ST6GALNAC3: variants seen among roughly 807,000 people sequenced by gnomAD.
The protein encoded by ST6GALNAC3 is ST6 N-acetylgalactosaminide alpha-2,6-sialyltransferase 3.
ST6GALNAC3 carries 25 observed loss-of-function variants against 32.7 expected under a neutral mutation model. The ratio of observed to expected loss-of-function variants is 0.76; its 90% CI spans 0.56 to 1.07. The LOEUF is 1.07. ST6GALNAC3 is among the 50% of genes least tolerant of loss of function. The pLI is 0.00. For missense variants in ST6GALNAC3, 355 were observed against 382.4 expected, an observed-to-expected ratio of 0.93 and a Z score of 0.60; for synonymous variants, 129 against 133.1, an observed-to-expected ratio of 0.97 and a Z score of 0.21.
At chr1:76,457,131 A>G (rs371627703) in intron 3 of ST6GALNAC3, among the ~76,000 whole-genome samples, 2 of 151,922 alleles carry the variant, frequency 1.3e-5, no homozygotes, top group African/African-American at 4.8e-5. Flanking sequence ...AAATACCTAG[A>G]AATCCAACTT....
At chr1:76,463,994 C>T (rs752557123) in intron 3 of ST6GALNAC3, among the ~76,000 whole-genome samples, 4 of 152,096 alleles carry the variant, frequency 2.6e-5, no homozygotes, top group Admixed American at 6.6e-5. Context: ...GGTGTCCTCT[C>T]CACACTGTTC....
chr1:76,170,240 G>A (rs1652398553), intron 1 of ST6GALNAC3, among the ~76,000 whole-genome samples: 1 of 152,148 alleles, frequency 6.6e-6, no homozygotes, highest in African/African-American at 2.4e-5. Context: ...TGGCAGCTGT[G>A]GCAGAGTGCT....
chr1:76,531,308 A>C (rs928632701), intron 3 of ST6GALNAC3, among the ~76,000 whole-genome samples: 1 of 152,222 alleles, frequency 6.6e-6, no homozygotes, highest in Non-Finnish European at 1.5e-5. Context: ...TCTAAATGCA[A>C]ATATGGATGA....
In ST6GALNAC3 at chr1:76,074,930, T is replaced by G. The variant is rs763649189; in HGVS notation, c.18+46T>G. On this transcript the variant is annotated intron_variant, in intron 1 of 4. Coordinates refer to ENST00000328299, the MANE Select transcript of ST6GALNAC3 (RefSeq NM_152996.4). ...CTCGGACGCGTGGTTGGCCAGCCCCTTGCTGCTCAGAGGCACGGAGTCAGC... is the reference window on the plus strand; with the variant it reads ...CTCGGACGCGTGGTTGGCCAGCCCCGTGCTGCTCAGAGGCACGGAGTCAGC... 6.4e-6 allele frequency: 10 copies of G among 1,574,106 alleles called. No individual in the cohort carries two copies. The South Asian group carries it at 1.2e-4, about 18-fold the overall frequency.
intron 2 of ST6GALNAC3, among the ~76,000 whole-genome samples, chr1:76,326,297 C>T (rs1647068225): frequency 1.3e-5 from 2 of 152,132 alleles, no homozygotes; most frequent in Non-Finnish European, 2.9e-5. Flanking sequence ...GTTAACATCC[C>T]ATTGATCAAA....
chr1:76,383,134 A>G lies in ST6GALNAC3; in HGVS notation c.214-28874A>G, dbSNP rs533617341. Among the ~76,000 whole-genome samples the G allele has an allele frequency of 4.6e-5, 7 of 152,340 alleles. No homozygotes were observed. In the South Asian group the frequency reaches 1.4e-3, roughly 32 times the overall value. ...TGAAGTGGCATCTTCAAAGTACTGA[A>G]AGGAAGTAACCACCAACTTAATTCT... On this transcript the variant is annotated intron_variant, in intron 2 of 4. Coordinates refer to ENST00000328299, the MANE Select transcript of ST6GALNAC3 (RefSeq NM_152996.4).
At chr1:76,149,567 A>G (rs1005119714) in intron 1 of ST6GALNAC3, among the ~76,000 whole-genome samples, 1 of 152,242 alleles carries the variant, frequency 6.6e-6, no homozygotes, top group African/African-American at 2.4e-5. Context: ...CCACAATCAA[A>G]GCTATTAATG....
intron 1 of ST6GALNAC3, among the ~76,000 whole-genome samples, chr1:76,290,575 A>G (rs922244548): frequency 9.9e-5 from 15 of 152,174 alleles, no homozygotes; most frequent in Non-Finnish European, 2.2e-4. Context: ...TATTATCTTT[A>G]CAGCAAAGGA....
intron 1 of ST6GALNAC3, among the ~76,000 whole-genome samples, chr1:76,179,926 C>T (rs1287054700): frequency 6.6e-6 from 1 of 152,196 alleles, no homozygotes; most frequent in Non-Finnish European, 1.5e-5. Flanking sequence ...GAGTCAGTTT[C>T]AGACCTGCCT....
chr1:76,235,703 G>C (rs893513155), intron 1 of ST6GALNAC3, among the ~76,000 whole-genome samples: 15 of 148,884 alleles, frequency 1.0e-4, no homozygotes. Context: ...TGGTAACAAG[G>C]TGCCACAAAC....
intron 1 of ST6GALNAC3, among the ~76,000 whole-genome samples, chr1:76,241,418 G>A (rs1451301535): frequency 6.6e-6 from 1 of 152,150 alleles, no homozygotes; most frequent in East Asian, 1.9e-4. Context: ...AGAGAGAAAA[G>A]TGGGAAGTGC....
At chr1:76,409,196 A>G (rs999551896) in intron 2 of ST6GALNAC3, among the ~76,000 whole-genome samples, 1 of 152,100 alleles carries the variant, frequency 6.6e-6, no homozygotes, top group African/African-American at 2.4e-5. Context: ...TAATACACTC[A>G]TTCACCTTGT....
At chr1:76,491,538 T>A (rs1323640228) in intron 3 of ST6GALNAC3, among the ~76,000 whole-genome samples, 1 of 152,156 alleles carries the variant, frequency 6.6e-6, no homozygotes, top group East Asian at 1.9e-4. Context: ...TTGAGCAGGA[T>A]GGAGTAAGCA....
At chr1:76,560,617 T>A (rs113806604) in intron 3 of ST6GALNAC3, among the ~76,000 whole-genome samples, 4 of 151,922 alleles carry the variant, frequency 2.6e-5, no homozygotes, top group Non-Finnish European at 5.9e-5. Flanking sequence ...AAAGTGAAAA[T>A]CAAAACTACA....
At chr1:76,357,107 G>GTTTT (rs1570948526) in intron 2 of ST6GALNAC3, among the ~76,000 whole-genome samples, 1 of 109,168 alleles carries the variant, frequency 9.2e-6, no homozygotes, top group Non-Finnish European at 2.0e-5. Flanking sequence ...CTTAATGCTA[G>GTTTT]TTTTCTTTTT....
Position 76,249,682 on chromosome 1 carries a change from A to G in ST6GALNAC3, c.19-64123A>G, listed in dbSNP as rs916294961. Among the ~76,000 whole-genome samples the G allele has an allele frequency of 2.0e-5, 3 of 152,202 alleles. No individual in the cohort carries two copies. In the East Asian group the frequency reaches 5.8e-4, roughly 29 times the overall value. Reference sequence around the variant, plus strand: ...ATGGTATGTCTATGTTTAATTGCCAAACTGTTTTCATAAGTGGCTGAATCA... The same window carrying G: ...ATGGTATGTCTATGTTTAATTGCCAGACTGTTTTCATAAGTGGCTGAATCA... On this transcript the variant is annotated intron_variant, in intron 1 of 4. Coordinates refer to ENST00000328299, the MANE Select transcript of ST6GALNAC3 (RefSeq NM_152996.4).
At chr1:76,255,652 A>G (rs1657878191) in intron 1 of ST6GALNAC3, among the ~76,000 whole-genome samples, 2 of 152,124 alleles carry the variant, frequency 1.3e-5, no homozygotes, top group South Asian at 4.1e-4. Context: ...CTTATGCCCT[A>G]TATGTTTCAC....
At chr1:76,366,173 A>T (rs1398727383) in intron 2 of ST6GALNAC3, among the ~76,000 whole-genome samples, 2 of 152,106 alleles carry the variant, frequency 1.3e-5, no homozygotes, top group African/African-American at 4.8e-5. Flanking sequence ...CAGTCTGTGC[A>T]TGAGATATTC....
intron 3 of ST6GALNAC3, among the ~76,000 whole-genome samples, chr1:76,588,445 A>G (rs897225814): frequency 1.1e-4 from 17 of 152,232 alleles, no homozygotes; most frequent in Non-Finnish European, 1.2e-4. Context: ...AAGGAAAAGA[A>G]GAAGTGAATT....
Sources: allele counts gnomAD v4.1 joint callset (sites outside exome capture counted in the v4.1 genomes callset), GRCh38; gene constraint gnomAD v4.1.1; transcripts MANE v1.5; gene names NCBI Gene and HGNC (gene_info 2026-07-23, HGNC 2026-07-21).